Variants in ROR1 observed in about 807,000 individuals in gnomAD.
ROR1 encodes inactive tyrosine-protein kinase transmembrane receptor ROR1.
Under a neutral mutation model 78.8 loss-of-function variants are expected in ROR1, and 19 were observed. That is an observed-to-expected ratio of 0.24 (90% CI 0.17 to 0.35). The LOEUF (loss-of-function observed/expected upper bound fraction) is 0.35. Ranked by LOEUF, ROR1 falls within the 10% of genes least tolerant of loss-of-function variation. The pLI, the probability that ROR1 is intolerant of heterozygous loss-of-function variation, is 1.00. For missense variants in ROR1, 917 were observed against 1,177.8 expected, an observed-to-expected ratio of 0.78 and a Z score of 3.24; for synonymous variants, 386 against 433.6, an observed-to-expected ratio of 0.89 and a Z score of 1.36.
At chr1:63,919,539 C>CTTTT (rs1395245234) in intron 1 of ROR1, among the ~76,000 whole-genome samples, 6 of 113,594 alleles carry the variant, frequency 5.3e-5, no homozygotes, top group African/African-American at 2.0e-4. Flanking sequence ...ATTAGATAAT[C>CTTTT]TTTTTATTGT....
intron 1 of ROR1, among the ~76,000 whole-genome samples, chr1:63,863,430 G>A (rs557948191): frequency 3.3e-5 from 5 of 152,214 alleles, no homozygotes; most frequent in East Asian, 1.9e-4. Context: ...ATCTGGGCAA[G>A]TCATGCCTGT....
intron 7 of ROR1, among the ~76,000 whole-genome samples, chr1:64,153,475 T>C (rs1211196644): frequency 1.3e-5 from 2 of 152,240 alleles, no homozygotes; most frequent in Non-Finnish European, 2.9e-5. Flanking sequence ...GCATTATTCA[T>C]GATAGCCGTT....
intron 1 of ROR1, among the ~76,000 whole-genome samples, chr1:63,899,141 T>G (rs1569879083): frequency 6.6e-6 from 1 of 151,868 alleles, no homozygotes; most frequent in East Asian, 1.9e-4. Context: ...GTGGACCAGG[T>G]GGTGCCAGAG....
intron 4 of ROR1, among the ~76,000 whole-genome samples, chr1:64,107,354 C>T (rs1569772469): frequency 2.0e-5 from 3 of 152,260 alleles, no homozygotes; most frequent in Admixed American, 1.3e-4. Flanking sequence ...CCACAAAGCT[C>T]TCTGTCAAGT....
intron 1 of ROR1, among the ~76,000 whole-genome samples, chr1:63,893,411 G>A (rs1645415114): frequency 6.6e-6 from 1 of 152,064 alleles, no homozygotes; most frequent in Non-Finnish European, 1.5e-5. Context: ...GATAAAAGAG[G>A]GGGGTAAAAA....
chr1:63,816,377 C>T (rs778460276), intron 1 of ROR1, among the ~76,000 whole-genome samples: 3 of 152,170 alleles, frequency 2.0e-5, no homozygotes, highest in Non-Finnish European at 4.4e-5. Context: ...GTTCTCATGA[C>T]AGTGAGTAAG....
At chr1:63,995,223 T>C (rs1646327710) in intron 1 of ROR1, among the ~76,000 whole-genome samples, 2 of 152,196 alleles carry the variant, frequency 1.3e-5, no homozygotes, top group South Asian at 4.1e-4. Context: ...AAAATTATTT[T>C]TTTTTCTAAT....
intron 4 of ROR1, among the ~76,000 whole-genome samples, chr1:64,093,956 A>G (rs1647231973): frequency 6.6e-6 from 1 of 152,218 alleles, no homozygotes; most frequent in African/African-American, 2.4e-5. Context: ...CAGAAAGGTT[A>G]AATCACTTAT....
intron 1 of ROR1, among the ~76,000 whole-genome samples, chr1:63,872,695 G>A (rs191452170): frequency 2.6e-5 from 4 of 152,280 alleles, no homozygotes; most frequent in Admixed American, 2.0e-4. Context: ...GGCTTAAAAA[G>A]TGGGGAAATA....
chr1:63,863,928 G>A (rs1001567645), intron 1 of ROR1, among the ~76,000 whole-genome samples: 4 of 151,966 alleles, frequency 2.6e-5, no homozygotes, highest in South Asian at 2.1e-4. Flanking sequence ...TACTATTCTC[G>A]GCCTTTCTGC....
At chr1:64,081,758 G>A (rs550040355) in intron 4 of ROR1, among the ~76,000 whole-genome samples, 96 of 97,770 alleles carry the variant, frequency 9.8e-4, no homozygotes, top group African/African-American at 4.6e-3. Flanking sequence ...GTGACAGCGC[G>A]AGACACTGTC....
At chr1:64,077,149 C>T (rs1647056677) in intron 4 of ROR1, among the ~76,000 whole-genome samples, 1 of 152,146 alleles carries the variant, frequency 6.6e-6, no homozygotes, top group Admixed American at 6.6e-5. Flanking sequence ...AAATAATTTT[C>T]CCATAGAAAC....
At chr1:63,798,932 C>T (rs1281076941) in intron 1 of ROR1, among the ~76,000 whole-genome samples, 2 of 152,176 alleles carry the variant, frequency 1.3e-5, no homozygotes, top group Non-Finnish European at 2.9e-5. Context: ...GGTGTCAGCA[C>T]CATACTTTAT....
chr1:64,143,342 G>A lies in ROR1; in HGVS notation c.1174+692G>A, dbSNP rs1360702923. The A allele has an allele frequency of 2.5e-5, 23 of 931,064 alleles. No individual in the cohort carries two copies. In the Admixed American group the frequency reaches 5.8e-4, roughly 23 times the overall value. 57.7% of individuals were successfully genotyped at this position (931,064 alleles called of 1,614,324 possible). On this transcript the variant is annotated intron_variant, in intron 7 of 8. Coordinates refer to ENST00000371079, the MANE Select transcript of ROR1 (RefSeq NM_005012.4). Reference sequence around the variant, plus strand: ...TCAAGACCAGCCCAGGCAACATAGTGAGACTCCATCTCTACCAAAAAAAAG... The same window carrying A: ...TCAAGACCAGCCCAGGCAACATAGTAAGACTCCATCTCTACCAAAAAAAAG...
At chr1:63,933,309 T>C (rs983137282) in intron 1 of ROR1, among the ~76,000 whole-genome samples, 3 of 152,182 alleles carry the variant, frequency 2.0e-5, no homozygotes, top group African/African-American at 4.8e-5. Flanking sequence ...ACAGGGTTAA[T>C]AATTCTGGCC....
At chr1:63,928,244 G>T (rs140841088) in intron 1 of ROR1, among the ~76,000 whole-genome samples, 42 of 152,214 alleles carry the variant, frequency 2.8e-4, no homozygotes, top group African/African-American at 1.0e-3. Flanking sequence ...CTGCAATGAG[G>T]GTGGGCCCTT....
At chr1:64,011,892 C>G (rs1464390555) in intron 2 of ROR1, among the ~76,000 whole-genome samples, 1 of 152,186 alleles carries the variant, frequency 6.6e-6, no homozygotes, top group East Asian at 1.9e-4. Flanking sequence ...CCCCTGTCCT[C>G]CATGAACTCA....
At chr1:63,973,694 C>T (rs1169242899) in intron 1 of ROR1, among the ~76,000 whole-genome samples, 1 of 152,072 alleles carries the variant, frequency 6.6e-6, no homozygotes, top group Non-Finnish European at 1.5e-5. Context: ...TAAAAAAAAC[C>T]CAATCCCTGA....
At chr1:64,120,142 G>C (rs899334963) in intron 4 of ROR1, among the ~76,000 whole-genome samples, 2 of 152,140 alleles carry the variant, frequency 1.3e-5, no homozygotes, top group South Asian at 4.1e-4. Context: ...AGTCTTTAAA[G>C]GAACCTACTG....
Sources: gnomAD v4.1 joint callset for allele counts (sites outside exome capture counted in the v4.1 genomes callset) on GRCh38, gnomAD v4.1.1 for gene constraint, MANE v1.5 for transcripts, NCBI Gene and HGNC (gene_info 2026-07-23, HGNC 2026-07-21) for gene names.